RASSF3: variants seen among roughly 807,000 people sequenced by gnomAD.
The protein encoded by RASSF3 is Ras association domain family member 3, also known as ras association domain-containing protein 3.
Under a neutral mutation model 19.9 loss-of-function variants are expected in RASSF3, and 19 were observed. The observed-to-expected ratio is 0.96, with a 90% CI of 0.67 to 1.40. The LOEUF is 1.40. Ranked by LOEUF, RASSF3 falls within the 40% of genes most tolerant of loss-of-function variation. The pLI is 0.00. For missense variants in RASSF3, 306 were observed against 289.8 expected (o/e 1.06, Z -0.41); for synonymous variants, 110 against 104.2 (o/e 1.06, Z -0.34).
At chr12:64,618,668 A>G (rs990756430) in intron 1 of RASSF3, among the ~76,000 whole-genome samples, 3 of 151,880 alleles carry the variant, frequency 2.0e-5, no homozygotes, top group African/African-American at 7.3e-5. Flanking sequence ...AGAGGGCCAG[A>G]TAATGCTCTA....
chr12:64,522,429 A>T (rs1215719872), intron 1 of RASSF3, among the ~76,000 whole-genome samples: 2 of 152,116 alleles, frequency 1.3e-5, no homozygotes, highest in East Asian at 3.9e-4. Context: ...GCTGATGATG[A>T]AATATGTGGT....
chr12:64,695,905 T>C lies in RASSF3; in HGVS notation c.*993T>C, dbSNP rs1382890747. 6.6e-6 allele frequency: 1 copy of C among 152,224 alleles called. No homozygotes were observed. The highest frequency in any genetic ancestry group is 1.5e-5 in the Non-Finnish European group (1 of 68,056). The allele number at this position is 152,224 out of a possible 1,614,324, so 9.4% of individuals were successfully genotyped here. On this transcript the variant is annotated 3_prime_UTR_variant, in exon 5 of 5. Transcript: ENST00000542104. Reference sequence around the variant, plus strand: ...TGTATAGCTTTCCCCCCACAGGTGGTTTTCAAAGTTGAGACGGAATTTGGG... The same window carrying C: ...TGTATAGCTTTCCCCCCACAGGTGGCTTTCAAAGTTGAGACGGAATTTGGG...
chr12:64,612,474 C>T (rs1346077176), intron 1 of RASSF3, among the ~76,000 whole-genome samples: 4 of 143,008 alleles, frequency 2.8e-5, no homozygotes, highest in Admixed American at 2.2e-4. Flanking sequence ...ATGCATTTAG[C>T]GTTTCTTTTT....
upstream of RASSF3, among the ~76,000 whole-genome samples, chr12:64,610,078 C>A (rs551829705): frequency 3.9e-4 from 59 of 152,208 alleles, no homozygotes; most frequent in African/African-American, 1.1e-3. Context: ...CCACCCACCC[C>A]TACAGGACCC....
upstream of RASSF3, among the ~76,000 whole-genome samples, chr12:64,531,428 A>C (rs1362114969): frequency 6.6e-6 from 1 of 152,154 alleles, no homozygotes; most frequent in Non-Finnish European, 1.5e-5. Context: ...TTTTTTTATT[A>C]TGGCAAAAAT....
chr12:64,673,326 TTCCCTCC>T (rs1264645864), intron 1 of RASSF3, among the ~76,000 whole-genome samples: 5 of 152,314 alleles, frequency 3.3e-5, no homozygotes, highest in African/African-American at 1.2e-4. Context: ...TCAGTCTCAC[TTCCCTCC>T]TGGCTTCTTG....
At chr12:64,563,119 G>T (rs987595831) in intron 2 of RASSF3, among the ~76,000 whole-genome samples, 20 of 151,600 alleles carry the variant, frequency 1.3e-4, no homozygotes, top group African/African-American at 4.6e-4. Flanking sequence ...TTACAATATA[G>T]CAGCCACATA....
At chr12:64,577,550 G>C (rs927483655) in intron 2 of RASSF3, among the ~76,000 whole-genome samples, 11 of 152,228 alleles carry the variant, frequency 7.2e-5, no homozygotes, top group African/African-American at 2.4e-4. Flanking sequence ...GGCCAACATG[G>C]GGGAATCCCC....
chr12:64,602,473 C>T (rs1384353677), intron 2 of RASSF3, among the ~76,000 whole-genome samples: 1 of 151,270 alleles, frequency 6.6e-6, no homozygotes, highest in Non-Finnish European at 1.5e-5. Context: ...CCCAGCTACT[C>T]TGGAGGCTGA....
chr12:64,519,300 G>A (rs1868420049), intron 1 of RASSF3, among the ~76,000 whole-genome samples: 1 of 152,168 alleles, frequency 6.6e-6, no homozygotes, highest in Admixed American at 6.5e-5. Context: ...CTTGCTACTT[G>A]GGAGACTGAG....
chr12:64,580,927 C>T (rs1408280565), intron 2 of RASSF3, among the ~76,000 whole-genome samples: 1 of 151,878 alleles, frequency 6.6e-6, no homozygotes, highest in Non-Finnish European at 1.5e-5. Flanking sequence ...AAGTCACAAC[C>T]ACACGTACCA....
intron 2 of RASSF3, among the ~76,000 whole-genome samples, chr12:64,590,797 T>G (rs1869908378): frequency 6.6e-6 from 1 of 152,178 alleles, no homozygotes; most frequent in Non-Finnish European, 1.5e-5. Context: ...ACCCATCACT[T>G]AACTTCACCA....
At chr12:64,659,760 C>T (rs1170166991) in intron 1 of RASSF3, among the ~76,000 whole-genome samples, 1 of 151,970 alleles carries the variant, frequency 6.6e-6, no homozygotes, top group African/African-American at 2.4e-5. Context: ...CCATCCTGGC[C>T]AACATGGTGA....
At chr12:64,685,434 G>A (rs1247823805) in intron 2 of RASSF3, among the ~76,000 whole-genome samples, 1 of 151,932 alleles carries the variant, frequency 6.6e-6, no homozygotes, top group Non-Finnish European at 1.5e-5. Flanking sequence ...TTGTAGAGAC[G>A]GGGTTTTGCC....
intron 1 of RASSF3, among the ~76,000 whole-genome samples, chr12:64,519,225 C>T (rs1016226936): frequency 6.6e-6 from 1 of 152,110 alleles, no homozygotes; most frequent in Non-Finnish European, 1.5e-5. Flanking sequence ...CGTGGAGAGA[C>T]CCCATCTCTA....
At chr12:64,527,411 G>A (rs1434401897) in intron 1 of RASSF3, among the ~76,000 whole-genome samples, 2 of 152,194 alleles carry the variant, frequency 1.3e-5, no homozygotes, top group Non-Finnish European at 2.9e-5. Context: ...TGCATATAAA[G>A]TACACTAATA....
intron 1 of RASSF3, among the ~76,000 whole-genome samples, chr12:64,512,051 A>G (rs1868331605): frequency 1.3e-5 from 2 of 152,204 alleles, no homozygotes; most frequent in Non-Finnish European, 2.9e-5. Flanking sequence ...AAGAGAAAGG[A>G]GGGGGGCTGC....
upstream of RASSF3, among the ~76,000 whole-genome samples, chr12:64,528,865 G>A (rs1310142304): frequency 6.6e-6 from 1 of 152,152 alleles, no homozygotes; most frequent in African/African-American, 2.4e-5. Context: ...ACAGCAGCTG[G>A]GAGCACAAGC....
At chr12:64,650,331 G>C (rs879936181) in intron 1 of RASSF3, among the ~76,000 whole-genome samples, 26 of 151,268 alleles carry the variant, frequency 1.7e-4, no homozygotes, top group Admixed American at 4.6e-4. Flanking sequence ...ACAGGTCCTT[G>C]ATAGGACCTT....
Sources: allele counts gnomAD v4.1 joint callset (sites outside exome capture counted in the v4.1 genomes callset), GRCh38; gene constraint gnomAD v4.1.1; transcripts MANE v1.5; gene names NCBI Gene and HGNC (gene_info 2026-07-23, HGNC 2026-07-21).